The following SLC25A25 variants were observed in gnomAD, a reference collection of about 807,000 sequenced individuals.
SLC25A25 encodes solute carrier family 25 member 25.
Under a neutral mutation model 57.7 loss-of-function variants are expected in SLC25A25, and 32 were observed. The ratio of observed to expected loss-of-function variants is 0.55; its 90% CI spans 0.42 to 0.74. The LOEUF (loss-of-function observed/expected upper bound fraction) is 0.74. SLC25A25 is among the 30% of genes least tolerant of loss of function. The pLI is 0.00. For synonymous variants in SLC25A25, 306 were observed against 291.2 expected (o/e 1.05, Z -0.52); for missense variants, 556 against 701.3 (o/e 0.79, Z 2.34).
At chr9:128,090,539 G>T (rs545549079) in intron 1 of SLC25A25, among the ~76,000 whole-genome samples, 31 of 152,110 alleles carry the variant, frequency 2.0e-4, no homozygotes, top group African/African-American at 7.2e-4. Flanking sequence ...GGCCATGCGC[G>T]GTGGCTCGCT....
rs568942332 is a variant in SLC25A25 at position 128,083,425 on chromosome 9, C to T, written c.261+14845C>T. On this transcript the variant is annotated intron_variant, in intron 1 of 10. Coordinates refer to ENST00000373069, the MANE Select transcript of SLC25A25 (RefSeq NM_001330988.2). ...TCTGACTTTCTGTCAAATAAAATCT[C>T]GCTTCATCTGTTAACTTTCTAAAAA... 1.8e-4 allele frequency among the ~76,000 whole-genome samples: 28 copies of T among 151,940 alleles called. No individual in the cohort carries two copies. In the South Asian group the frequency reaches 3.5e-3, roughly 19 times the overall value.
chr9:128,106,552 T>C (rs1418420), intron 9 of SLC25A25, 32 bp downstream of exon 9: 1,534,586 of 1,548,132 alleles, frequency 0.99, 761,552 homozygotes, highest in East Asian at 1. Flanking sequence ...TTTAGAAACC[T>C]CCTCCCAGCA....
chr9:128,105,656 G>A lies in SLC25A25; in HGVS notation c.784-73G>A, dbSNP rs1833994726. 1.9e-6 allele frequency: 3 copies of A among 1,608,764 alleles called. No homozygotes were observed. The African/African-American group carries it at 4.0e-5, about 22-fold the overall frequency. On this transcript the variant is annotated intron_variant, in intron 6 of 10. Coordinates refer to ENST00000373069, the MANE Select transcript of SLC25A25 (RefSeq NM_001330988.2). The stretch of plus-strand genomic sequence containing the variant: ...CCCTTTGGCCGCAGCCGGTTGGCCA[G>A]CAGAGGCTCTTGGCCGGGTGAGGCA...
rs942629065 is a variant in SLC25A25, at chr9:128,101,968, G to A, written c.477-112G>A. ...TCAGCTGCTGTGGCGGGCTCGTCTC[G>A]TGCCGTGCTGTGCCCCTGTCTCTGG... On this transcript the variant is annotated intron_variant, in intron 3 of 10. Coordinates refer to ENST00000373069, the MANE Select transcript of SLC25A25 (RefSeq NM_001330988.2). The surrounding 1 kb of genome is among the most constrained non-coding windows in gnomAD (Gnocchi z 4.9). 40 of 1,243,084 alleles carry A rather than the reference G, an allele frequency of 3.2e-5. No individual in the cohort carries two copies. The highest frequency in any genetic ancestry group is 1.3e-4 in the African/African-American group (9 of 67,480). The allele number at this position is 1,243,084 out of a possible 1,614,324, so 77.0% of individuals were successfully genotyped here.
chr9:128,078,944 C>G (rs1833078196), intron 1 of SLC25A25, among the ~76,000 whole-genome samples: 1 of 152,162 alleles, frequency 6.6e-6, no homozygotes, highest in African/African-American at 2.4e-5. Context: ...GTGCATAACT[C>G]TGTCTCAGCA....
chr9:128,081,791 C>A (rs1354541955), intron 1 of SLC25A25, among the ~76,000 whole-genome samples: 1 of 152,038 alleles, frequency 6.6e-6, no homozygotes, highest in Non-Finnish European at 1.5e-5. Context: ...ATTAGCCAGG[C>A]ATGCCTGTGG....
intron 1 of SLC25A25, among the ~76,000 whole-genome samples, chr9:128,080,461 C>A (rs1833130353): frequency 6.9e-6 from 1 of 145,850 alleles, no homozygotes; most frequent in South Asian, 2.2e-4. Flanking sequence ...ATGGTACACA[C>A]CTTCATCAAC....
intron 1 of SLC25A25, among the ~76,000 whole-genome samples, chr9:128,094,102 T>G (rs1332399530): frequency 6.6e-6 from 1 of 152,072 alleles, no homozygotes; most frequent in African/African-American, 2.4e-5. Context: ...GAGCCAAGAT[T>G]GTGCCGCTGT....
At position 128,108,275 on chromosome 9, in the gene SLC25A25, T is replaced by C. The variant is rs935616673; in HGVS notation, c.*831T>C. The C allele has an allele frequency of 2.5e-5, 10 of 399,084 alleles. No homozygotes were observed. The highest frequency in any genetic ancestry group is 1.9e-4 in the African/African-American group (9 of 48,630). 24.7% of individuals were successfully genotyped at this position (399,084 alleles called of 1,614,324 possible). A position where few individuals can be genotyped will look rare whatever the true frequency, so the allele number is the denominator to read the frequency against. ...CGAAGGGCAGAGCGTTTGTGTGTTC[T>C]GGGGAGGGAAGGAAAAGGTGTTGGA... On this transcript the variant is annotated 3_prime_UTR_variant, in exon 11 of 11. Coordinates refer to ENST00000373069, the MANE Select transcript of SLC25A25 (RefSeq NM_001330988.2).
At chr9:128,070,345 G>T (rs190138841) in intron 1 of SLC25A25, among the ~76,000 whole-genome samples, 2 of 151,398 alleles carry the variant, frequency 1.3e-5, no homozygotes, top group East Asian at 4.0e-4. Context: ...TGATCCGCCC[G>T]CCTCAGCCTC....
At chr9:128,081,585 T>C (rs1309233955) in intron 1 of SLC25A25, among the ~76,000 whole-genome samples, 1 of 152,092 alleles carries the variant, frequency 6.6e-6, no homozygotes. Flanking sequence ...TTACTCTTGG[T>C]GCACATGTCT....
At position 128,099,881 on chromosome 9, in the gene SLC25A25, T is replaced by A. The variant is rs139913692; in HGVS notation, c.262-1215T>A. ...CTGGCTGTCAGTTGATTTCTCCCAG[T>A]GAGAAATCCGGAGGACACAGGAAGA... On this transcript the variant is annotated intron_variant, in intron 1 of 10. Coordinates refer to ENST00000373069, the MANE Select transcript of SLC25A25 (RefSeq NM_001330988.2). This position sits in a 1 kb window ranked among gnomAD's most constrained non-coding sequence, Gnocchi z 6.8. Among the ~76,000 whole-genome samples the A allele has an allele frequency of 6.6e-6, 1 of 152,092 alleles. No individual in the cohort carries two copies. The highest frequency in any genetic ancestry group is 1.5e-5 in the Non-Finnish European group (1 of 68,030).
chr9:128,084,141 G>A (rs1329550189), intron 1 of SLC25A25, among the ~76,000 whole-genome samples: 1 of 152,052 alleles, frequency 6.6e-6, no homozygotes, highest in Non-Finnish European at 1.5e-5. Context: ...GGGTGCTAAG[G>A]GCATTCCAAG....
At chr9:128,075,579 C>A (rs1202550995) in intron 1 of SLC25A25, among the ~76,000 whole-genome samples, 1 of 152,082 alleles carries the variant, frequency 6.6e-6, no homozygotes, top group Non-Finnish European at 1.5e-5. Context: ...TGGCGACTTA[C>A]ACCTATAATC....
At position 128,108,852 on chromosome 9, in the gene SLC25A25, A is replaced by C. The variant is rs1411610337; in HGVS notation, c.*1408A>C. 1.3e-5 allele frequency: 2 copies of C among 152,160 alleles called. No homozygotes were observed. The highest frequency in any genetic ancestry group is 6.5e-5 in the Admixed American group (1 of 15,270). 9.4% of individuals were successfully genotyped at this position (152,160 alleles called of 1,614,324 possible). A position where few individuals can be genotyped will look rare whatever the true frequency, so the allele number is the denominator to read the frequency against. ...CTGGGGGCGTGGAGAGAGAGGGAGGAACCTCAATAACCTTGAAGGTGGAAT... is the reference window on the plus strand; with the variant it reads ...CTGGGGGCGTGGAGAGAGAGGGAGGCACCTCAATAACCTTGAAGGTGGAAT... On this transcript the variant is annotated 3_prime_UTR_variant, in exon 11 of 11. Transcript: ENST00000373069.
intron 1 of SLC25A25, among the ~76,000 whole-genome samples, chr9:128,097,382 C>T (rs142340963): frequency 5.1e-4 from 77 of 152,322 alleles, no homozygotes; most frequent in Middle Eastern, 3.4e-3. Flanking sequence ...AGTGACTATG[C>T]GTGGCTATCC....
At chr9:128,097,641 C>T (rs1449197645) in intron 1 of SLC25A25, among the ~76,000 whole-genome samples, 2 of 152,218 alleles carry the variant, frequency 1.3e-5, no homozygotes, top group Admixed American at 6.5e-5. Flanking sequence ...AAAGTTCTAG[C>T]TGTGACTAAG....
intron 1 of SLC25A25, among the ~76,000 whole-genome samples, chr9:128,085,190 G>T (rs981735021): frequency 1.2e-4 from 19 of 152,168 alleles, no homozygotes; most frequent in African/African-American, 3.4e-4. Flanking sequence ...AATTAGCTGG[G>T]TGTGGTGGCG....
chr9:128,068,552 G>T lies in SLC25A25; in HGVS notation c.233G>T (p.Gly78Val). The change falls in exon 1 of 11, where the codon GGA (glycine) becomes GTA (valine). Residue 78 changes from glycine to valine, a missense_variant. By Grantham distance (109) the Gly-to-Val change is moderately radical. This residue lies in a region of SLC25A25 where 248 missense variants were observed against 273.5 expected (regional missense o/e 0.91). Transcript: ENST00000373069. Reference sequence around the variant, plus strand: ...CTGGCGGTGGGGCTGCGGCGCCTGGGACTGCACCGCACCGAGGGCGAGCTC... The same window carrying T: ...CTGGCGGTGGGGCTGCGGCGCCTGGTACTGCACCGCACCGAGGGCGAGCTC... Reference protein sequence around the residue: ...NDLAVGLRRLGLHRTEGELQK... With the variant: ...NDLAVGLRRLVLHRTEGELQK... The T allele has an allele frequency of 6.9e-7, 1 of 1,457,406 alleles. No homozygotes were observed. Among genetic ancestry groups the T allele is most frequent in the African/African-American group, 1.5e-5 (1 of 67,928 alleles). 90.3% of individuals were successfully genotyped at this position (1,457,406 alleles called of 1,614,324 possible).
Sources: allele counts gnomAD v4.1 joint callset (sites outside exome capture counted in the v4.1 genomes callset), GRCh38; gene constraint gnomAD v4.1.1; regional missense constraint gnomAD v4.1.1; non-coding constraint Gnocchi (gnomAD v3.1); transcripts MANE v1.5; gene names NCBI Gene and HGNC (gene_info 2026-07-23, HGNC 2026-07-21).